The following DOCK8 variants were observed in gnomAD, a reference collection of about 807,000 sequenced individuals.
DOCK8 encodes the protein dedicator of cytokinesis protein 8.
A neutral mutation model predicts 245.6 loss-of-function variants in DOCK8; 141 were observed. The observed-to-expected ratio is 0.57, with a 90% CI of 0.50 to 0.66. The LOEUF (loss-of-function observed/expected upper bound fraction) is 0.66, where lower values mean the gene tolerates loss of function less well. DOCK8 is among the 30% of genes least tolerant of loss of function. The pLI is 0.00. For synonymous variants in DOCK8, 1,168 were observed against 970.2 expected, an observed-to-expected ratio of 1.20 and a Z score of -3.79; for missense variants, 2,965 against 2,603.4, an observed-to-expected ratio of 1.14 and a Z score of -3.02.
intron 1 of DOCK8, among the ~76,000 whole-genome samples, chr9:223,268 G>A (rs1292790114): frequency 6.6e-6 from 1 of 152,304 alleles, no homozygotes; most frequent in East Asian, 1.9e-4. Context: ...CCATCTCTTC[G>A]TAAGTTAGTA....
chr9:219,786 A>G (rs2046843129), intron 1 of DOCK8, among the ~76,000 whole-genome samples: 1 of 152,156 alleles, frequency 6.6e-6, no homozygotes, highest in Non-Finnish European at 1.5e-5. Flanking sequence ...AGTCCCAGCT[A>G]CTTGGAAGGC....
At chr9:459,714 A>G (rs2057745602) in intron 46 of DOCK8, 1 of 152,232 alleles carries the variant, frequency 6.6e-6, no homozygotes, top group Non-Finnish European at 1.5e-5. Context: ...GACTTGAATT[A>G]CCTGAATGCT....
intron 40 of DOCK8, among the ~76,000 whole-genome samples, chr9:439,741 C>G (rs2057026680): frequency 6.6e-6 from 1 of 152,142 alleles, no homozygotes; most frequent in Non-Finnish European, 1.5e-5. Flanking sequence ...GGCATGTTTT[C>G]ACTCCCTCGT....
chr9:397,546 C>A (rs535256352), intron 25 of DOCK8, among the ~76,000 whole-genome samples: 1 of 150,940 alleles, frequency 6.6e-6, no homozygotes, highest in Non-Finnish European at 1.5e-5. Flanking sequence ...GAAAATTAGC[C>A]GGGTGTAGTG....
chr9:404,996 C>T lies in DOCK8; in HGVS notation c.3313C>T (p.His1105Tyr), dbSNP rs187779900. The T allele has an allele frequency of 1.2e-6, 2 of 1,613,956 alleles. No individual in the cohort carries two copies. The highest frequency in any genetic ancestry group is 1.7e-6 in the Non-Finnish European group (2 of 1,179,874). Residue 1105 changes from histidine to tyrosine, a missense_variant, in exon 27 of 48, where the codon CAT becomes TAT. Around this residue, in one of 3 missense-constraint regions of DOCK8, gnomAD observed 2,825 missense variants for 2,453.5 expected, o/e 1.15. Transcript: ENST00000432829. Reference protein sequence around the residue: ...EFLRILCSHEHYLNLNLFFMN... With the variant: ...EFLRILCSHEYYLNLNLFFMN... ...CCTGAGAATCCTCTGTAGCCATGAG[C>T]ATTACCTCAATCTGAACCTTTTTTT... is the stretch of plus-strand genomic sequence containing the variant.
chr9:212,499 T>C (rs888462005), upstream of DOCK8, among the ~76,000 whole-genome samples: 4 of 152,206 alleles, frequency 2.6e-5, no homozygotes, highest in Admixed American at 2.6e-4. Flanking sequence ...GCAGTGAGAA[T>C]AAGGAAGAAA....
rs758392190 is a variant in DOCK8 at position 446,378 on chromosome 9, A to G, written c.5589A>G (p.Ile1863Met). ...TGCCTTTTCCCCCTTAGGCCTACATACAGATCACTTTTGTGGAGCCCTACT... is the reference window on the plus strand; with the variant it reads ...TGCCTTTTCCCCCTTAGGCCTACATGCAGATCACTTTTGTGGAGCCCTACT... ...KTKLDPNKAY[I>M]QITFVEPYFD... The change falls in exon 44 of 48, where the codon ATA becomes ATG. Residue 1863 changes from isoleucine to methionine, a missense_variant. By Grantham distance (10) the Ile-to-Met change is conservative. Around this residue, in one of 3 missense-constraint regions of DOCK8, gnomAD observed 2,825 missense variants for 2,453.5 expected, o/e 1.15. Coordinates refer to ENST00000432829, the MANE Select transcript of DOCK8 (RefSeq NM_203447.4). The G allele has an allele frequency of 7.4e-6, 12 of 1,614,048 alleles. No individual in the cohort carries two copies. In the South Asian group the frequency reaches 1.1e-4, roughly 15 times the overall value.
chr9:372,824 T>G (rs1044142917), intron 18 of DOCK8, among the ~76,000 whole-genome samples: 24 of 152,124 alleles, frequency 1.6e-4, no homozygotes, highest in Admixed American at 6.5e-5. Flanking sequence ...GAGGTCAGGA[T>G]TTCAAGACCA....
chr9:223,941 G>A (rs1297984764), intron 1 of DOCK8, among the ~76,000 whole-genome samples: 1 of 152,004 alleles, frequency 6.6e-6, no homozygotes, highest in Non-Finnish European at 1.5e-5. Flanking sequence ...AGCTTCTGGA[G>A]GGATCCAAAG....
chr9:383,814 A>G (rs1289523731), intron 22 of DOCK8, among the ~76,000 whole-genome samples: 3 of 150,762 alleles, frequency 2.0e-5, no homozygotes, highest in Non-Finnish European at 2.9e-5. Context: ...TTTTCCCTCT[A>G]TGAATTCTTT....
intron 11 of DOCK8, among the ~76,000 whole-genome samples, chr9:335,338 T>A (rs2051259652): frequency 6.6e-6 from 1 of 152,218 alleles, no homozygotes; most frequent in Admixed American, 6.5e-5. Flanking sequence ...GGGTTTCTCT[T>A]TCCCTAAATG....
At chr9:216,542 A>AAAAAAAAAAAAAAAAAAAAAAAAAC (rs2046757977) in intron 1 of DOCK8, among the ~76,000 whole-genome samples, 1 of 150,784 alleles carries the variant, frequency 6.6e-6, no homozygotes, top group Non-Finnish European at 1.5e-5. Flanking sequence ...ACAGACAAAA[A>AAAAAAAAAAAAAAAAAAAAAAAAAC]AAAAAAAAAA....
chr9:369,183 A>T (rs376916485), intron 15 of DOCK8: 2 of 143,618 alleles, frequency 1.4e-5, no homozygotes, highest in Non-Finnish European at 3.1e-5. Flanking sequence ...AAAAAAAAAA[A>T]CCTTTCTCCT....
chr9:217,540 A>G (rs939758774), intron 1 of DOCK8, among the ~76,000 whole-genome samples: 3 of 152,228 alleles, frequency 2.0e-5, no homozygotes, highest in African/African-American at 7.2e-5. Flanking sequence ...AGGCAAGAAA[A>G]TGGATTGGAA....
chr9:220,250 G>C (rs997975523), intron 1 of DOCK8, among the ~76,000 whole-genome samples: 11 of 152,136 alleles, frequency 7.2e-5, no homozygotes, highest in African/African-American at 2.7e-4. Context: ...TTGTGCTTTA[G>C]GCATCTAGTG....
intron 14 of DOCK8, among the ~76,000 whole-genome samples, chr9:363,648 T>A (rs10972454): frequency 0.16 from 24,320 of 152,192 alleles, 2,328 homozygotes; most frequent in Middle Eastern, 0.26. Context: ...CCTTTCTGGA[T>A]GTTAGTTTCC....
intron 14 of DOCK8, among the ~76,000 whole-genome samples, chr9:355,434 C>T (rs975676960): frequency 5.3e-5 from 8 of 151,874 alleles, no homozygotes; most frequent in African/African-American, 1.9e-4. Flanking sequence ...AGTCTCCTGA[C>T]CCTGTGATCT....
At chr9:286,004 A>C (rs1209097633) in intron 2 of DOCK8, among the ~76,000 whole-genome samples, 1 of 152,222 alleles carries the variant, frequency 6.6e-6, no homozygotes, top group Admixed American at 6.5e-5. Context: ...ACTTAGGCCA[A>C]AAGAAACACT....
chr9:453,954 G>A (rs2131901559), intron 46 of DOCK8, among the ~76,000 whole-genome samples: 1 of 152,242 alleles, frequency 6.6e-6, no homozygotes, highest in South Asian at 2.1e-4. Context: ...ATTAGTTATG[G>A]GACTACAGAG....
Sources: gnomAD v4.1 joint callset for allele counts (sites outside exome capture counted in the v4.1 genomes callset) on GRCh38, gnomAD v4.1.1 for gene constraint, gnomAD v4.1.1 regional missense constraint, MANE v1.5 for transcripts, NCBI Gene and HGNC (gene_info 2026-07-23, HGNC 2026-07-21) for gene names.